FRMD3: variants seen among roughly 807,000 people sequenced by gnomAD.
FRMD3 encodes the protein FERM domain-containing protein 3.
A neutral mutation model predicts 70.2 loss-of-function variants in FRMD3; 33 were observed. The ratio of observed to expected loss-of-function variants is 0.47; its 90% CI spans 0.36 to 0.63. FRMD3 has a LOEUF of 0.63. FRMD3 is among the 20% of genes least tolerant of loss of function. The pLI, the probability that FRMD3 is intolerant of heterozygous loss-of-function variation, is 0.00. For synonymous variants in FRMD3, 279 were observed against 255.9 expected, an observed-to-expected ratio of 1.09 and a Z score of -0.86; for missense variants, 632 against 711.4, an observed-to-expected ratio of 0.89 and a Z score of 1.27.
At chr9:83,558,753 G>A in the FRMD3 span, among the ~76,000 whole-genome samples, 64 of 152,316 alleles carry the variant, frequency 4.2e-4, 1 homozygote, top group Middle Eastern at 3.4e-3. Flanking sequence ...TGTGATTCAT[G>A]GGAGGAGGTC....
At chr9:83,375,615 G>C (rs1034014276) in intron 2 of FRMD3, among the ~76,000 whole-genome samples, 2 of 152,232 alleles carry the variant, frequency 1.3e-5, no homozygotes, top group African/African-American at 4.8e-5. Flanking sequence ...CACAGAAACA[G>C]AAAACCAAAT....
intron 13 of FRMD3, among the ~76,000 whole-genome samples, chr9:83,270,210 T>C (rs534734157): frequency 6.6e-6 from 1 of 152,332 alleles, no homozygotes; most frequent in African/African-American, 2.4e-5. Context: ...GTCTGGGCAG[T>C]GACAAGAGGC....
chr9:83,363,460 A>C (rs1277837437), intron 3 of FRMD3, among the ~76,000 whole-genome samples: 1 of 152,060 alleles, frequency 6.6e-6, no homozygotes, highest in African/African-American at 2.4e-5. Flanking sequence ...CAATGCTGTA[A>C]TAAACACCCT....
the FRMD3 span, among the ~76,000 whole-genome samples, chr9:83,557,242 G>A: frequency 1.3e-5 from 2 of 152,080 alleles, no homozygotes; most frequent in African/African-American, 4.8e-5. Flanking sequence ...AAGCAATGGC[G>A]CCATGCAAAC....
intron 1 of FRMD3, among the ~76,000 whole-genome samples, chr9:83,475,223 A>G (rs1023792922): frequency 3.3e-5 from 5 of 152,166 alleles, no homozygotes; most frequent in South Asian, 2.1e-4. Flanking sequence ...ACTTTAAAAT[A>G]ATTAACATGT....
intron 6 of FRMD3, among the ~76,000 whole-genome samples, chr9:83,315,361 G>C (rs936373688): frequency 6.6e-6 from 1 of 152,144 alleles, no homozygotes; most frequent in Non-Finnish European, 1.5e-5. Context: ...GGAAGAGTGG[G>C]ATGTGCCGTG....
chr9:83,523,866 A>G (rs1339123186), intron 1 of FRMD3, among the ~76,000 whole-genome samples: 1 of 152,210 alleles, frequency 6.6e-6, no homozygotes, highest in Non-Finnish European at 1.5e-5. Context: ...GGTGTCACTC[A>G]AGGTGCCCCC....
Position 83,335,471 on chromosome 9 carries a change from T to C in FRMD3, c.596+45A>G, listed in dbSNP as rs775400397. 2.3e-4 allele frequency: 350 copies of C among 1,535,808 alleles called. 1 individual carries two copies. Among genetic ancestry groups the C allele is most frequent in the Non-Finnish European group, 7.2e-5 (80 of 1,115,476 alleles). ...TTCCACATTCCCTGCAGTAAGAATA[T>C]TTTCTCCCCTTTATCATTTTCACAA... is the stretch of plus-strand genomic sequence containing the variant. On this transcript the variant is annotated intron_variant, in intron 6 of 13. Transcript: ENST00000304195.
intron 1 of FRMD3, among the ~76,000 whole-genome samples, chr9:83,444,076 T>G (rs751183470): frequency 6.6e-6 from 1 of 152,262 alleles, no homozygotes; most frequent in Non-Finnish European, 1.5e-5. Context: ...AAAAAACATC[T>G]ACTTCACACT....
At chr9:83,549,614 A>C in the FRMD3 span, among the ~76,000 whole-genome samples, 1 of 151,910 alleles carries the variant, frequency 6.6e-6, no homozygotes, top group Non-Finnish European at 1.5e-5. Flanking sequence ...AGCATCAGTT[A>C]TTTTTTGACT....
chr9:83,310,607 G>T, intron 8 of FRMD3, 59 bp from the exon 9 acceptor site: 3 of 1,350,674 alleles, frequency 2.2e-6, no homozygotes, highest in Non-Finnish European at 3.1e-6. Context: ...CAAGGTACCT[G>T]GGTTTCCCAT....
At chr9:83,296,212 A>G (rs1834656331) in intron 12 of FRMD3, among the ~76,000 whole-genome samples, 2 of 152,198 alleles carry the variant, frequency 1.3e-5, no homozygotes, top group South Asian at 2.1e-4. Flanking sequence ...ACAATTTTCT[A>G]CCACACAACC....
intron 1 of FRMD3, among the ~76,000 whole-genome samples, chr9:83,437,672 C>A (rs1357544163): frequency 6.6e-6 from 1 of 152,114 alleles, no homozygotes; most frequent in Admixed American, 6.5e-5. Context: ...CAAGCAGATT[C>A]CACCATTCTG....
chr9:83,309,145 C>T (rs902572901), intron 10 of FRMD3, among the ~76,000 whole-genome samples: 1 of 152,090 alleles, frequency 6.6e-6, no homozygotes, highest in African/African-American at 2.4e-5. Flanking sequence ...TTGATTACAT[C>T]CCAAATAAGC....
chr9:83,500,107 TAG>T (rs1173156907), intron 1 of FRMD3, among the ~76,000 whole-genome samples: 2 of 152,020 alleles, frequency 1.3e-5, no homozygotes, highest in Non-Finnish European at 2.9e-5. Flanking sequence ...GATGAATAGG[TAG>T]AGCACTAAGA....
chr9:83,476,912 C>T (rs1158988506), intron 1 of FRMD3, among the ~76,000 whole-genome samples: 1 of 152,170 alleles, frequency 6.6e-6, no homozygotes, highest in Admixed American at 6.5e-5. Flanking sequence ...GGTTCATTGC[C>T]TTTTCTCCTA....
chr9:83,581,611 T>C, the FRMD3 span, among the ~76,000 whole-genome samples: 27 of 152,210 alleles, frequency 1.8e-4, no homozygotes, highest in Non-Finnish European at 4.4e-5. Flanking sequence ...TTCCTAGGTA[T>C]ATGTCCAACA....
chr9:83,558,203 TGC>T, the FRMD3 span, among the ~76,000 whole-genome samples: 1 of 152,236 alleles, frequency 6.6e-6, no homozygotes, highest in Non-Finnish European at 1.5e-5. Context: ...TTTGTGCATC[TGC>T]ATTTAAATTG....
In FRMD3 at chr9:83,330,309, C is replaced by T. The variant is rs186838132; in HGVS notation, c.596+5207G>A. 1.3e-3 allele frequency among the ~76,000 whole-genome samples: 185 copies of T among 146,750 alleles called. 1 individual carries two copies. The highest frequency in any genetic ancestry group is 4.3e-3 in the African/African-American group (170 of 39,818). ...AACCCAGGAGGTGGAGGTTGCGGTG[C>T]GCAAAACTCCATCTCAAAAAAAAAA... On this transcript the variant is annotated intron_variant, in intron 6 of 13. Transcript: ENST00000304195.
Sources: gnomAD v4.1 joint callset for allele counts (sites outside exome capture counted in the v4.1 genomes callset) on GRCh38, gnomAD v4.1.1 for gene constraint, MANE v1.5 for transcripts, NCBI Gene and HGNC (gene_info 2026-07-23, HGNC 2026-07-21) for gene names.